Variants in RIPK1 observed in about 807,000 individuals in gnomAD.
The protein encoded by RIPK1 is receptor-interacting serine/threonine-protein kinase 1.
Under a neutral mutation model 62.4 loss-of-function variants are expected in RIPK1, and 27 were observed. The observed-to-expected ratio is 0.43, with a 90% CI of 0.32 to 0.60. The LOEUF (loss-of-function observed/expected upper bound fraction) is 0.60. Among genes scored for constraint, RIPK1 ranks in the 20% least tolerant of loss-of-function variants. The probability of loss-of-function intolerance (pLI) is 0.07; values close to 1 mark genes in which losing one functional copy is unlikely to be tolerated. For missense variants in RIPK1, 735 were observed against 831.0 expected (o/e 0.88, Z 1.42); for synonymous variants, 287 against 303.2 (o/e 0.95, Z 0.55).
intron 7 of RIPK1, among the ~76,000 whole-genome samples, chr6:3,094,529 A>G (rs1444727097): frequency 6.6e-6 from 1 of 151,412 alleles, no homozygotes; most frequent in African/African-American, 2.4e-5. Context: ...AAAATTATAA[A>G]ATGCACTTTG....
rs1417021714 is a variant in RIPK1 at position 3,081,095 on chromosome 6, T to C, written c.438T>C (p.Val146=). 8 of 1,614,160 alleles carry C rather than the reference T, an allele frequency of 5.0e-6. No homozygotes were observed. Among genetic ancestry groups the C allele is most frequent in the Non-Finnish European group, 6.8e-6 (8 of 1,180,006 alleles). ...ACCTGAAGCCTGAAAATATCCTTGT[T>C]GATAATGACTTCCACATTAAGGTAA... ...HKDLKPENIL[V]DNDFHIKIAD... Residue 146 remains valine, a synonymous_variant, in exon 4 of 11, where the codon GTT becomes GTC. Coordinates refer to ENST00000259808, the MANE Select transcript of RIPK1 (RefSeq NM_001354930.2).
At chr6:3,106,468 G>A (rs530198913) in intron 9 of RIPK1, among the ~76,000 whole-genome samples, 1 of 152,266 alleles carries the variant, frequency 6.6e-6, no homozygotes, top group South Asian at 2.1e-4. Context: ...TACCATTAGT[G>A]ATGAAAAATT....
intron 10 of RIPK1, among the ~76,000 whole-genome samples, chr6:3,112,830 C>T (rs1018744610): frequency 6.6e-6 from 1 of 152,216 alleles, no homozygotes; most frequent in East Asian, 1.9e-4. Flanking sequence ...TGAGCCACCA[C>T]GCCAGGCCGG....
intron 7 of RIPK1, among the ~76,000 whole-genome samples, chr6:3,095,031 C>G (rs1461664756): frequency 6.6e-6 from 1 of 151,888 alleles, no homozygotes; most frequent in Non-Finnish European, 1.5e-5. Flanking sequence ...GCACTCCAAC[C>G]TGGGCAACAG....
In RIPK1 at chr6:3,083,160, G is replaced by A. The variant is rs754180202; in HGVS notation, c.535G>A (p.Val179Met). The A allele has an allele frequency of 1.2e-6, 2 of 1,614,056 alleles. No homozygotes were observed. Among genetic ancestry groups the A allele is most frequent in the Admixed American group, 3.3e-5 (2 of 60,004 alleles). Residue 179 changes from valine to methionine, a missense_variant, in exon 5 of 11, where the codon GTG becomes ATG. This residue lies in a region of RIPK1 where 671 missense variants were observed against 726.2 expected (regional missense o/e 0.92). Transcript: ENST00000259808. ...NNEEHNELRE[V>M]DGTAKKNGGT... ...TGAAGAGCACAATGAGCTGAGGGAA[G>A]TGGACGGCACCGCTAAGAAGAATGG... is the stretch of plus-strand genomic sequence containing the variant.
chr6:3,104,723 C>G (rs954279002), intron 8 of RIPK1, among the ~76,000 whole-genome samples: 4 of 152,132 alleles, frequency 2.6e-5, no homozygotes, highest in African/African-American at 9.7e-5. Flanking sequence ...GATACTGAAG[C>G]CGCTTAGCTA....
chr6:3,078,632 G>A (rs1019941231), intron 3 of RIPK1, among the ~76,000 whole-genome samples: 16 of 152,214 alleles, frequency 1.1e-4, no homozygotes, highest in Non-Finnish European at 1.2e-4. Context: ...ATAAATGACC[G>A]TGAGAGCAGA....
At chr6:3,101,275 C>G (rs548220468) in intron 7 of RIPK1, among the ~76,000 whole-genome samples, 1 of 151,890 alleles carries the variant, frequency 6.6e-6, no homozygotes, top group African/African-American at 2.4e-5. Flanking sequence ...AACAAAAAAC[C>G]CTTTTCATGT....
chr6:3,085,483 TG>T (rs922225571), intron 6 of RIPK1, 75 bp downstream of exon 6: 8 of 1,506,380 alleles, frequency 5.3e-6, no homozygotes, highest in Non-Finnish European at 7.3e-6. Context: ...GTTAGGAACT[TG>T]GTTTGAATCC....
chr6:3,089,453 G>A, intron 6 of RIPK1, 128 bp from the exon 7 acceptor site: 1 of 636,158 alleles, frequency 1.6e-6, no homozygotes, highest in South Asian at 1.9e-5. Context: ...CAGTGATTTG[G>A]AGCTTAAATT....
At chr6:3,064,444 C>G (rs1453198071), upstream of RIPK1, among the ~76,000 whole-genome samples, 1 of 152,232 alleles carries the variant, frequency 6.6e-6, no homozygotes, top group Non-Finnish European at 1.5e-5. Context: ...TCACTAGTCT[C>G]CAGTTCTAAA....
At chr6:3,085,164 C>G in intron 5 of RIPK1, 95 bp from the exon 6 acceptor site, 1 of 1,363,152 alleles carries the variant, frequency 7.3e-7, no homozygotes, top group South Asian at 1.2e-5. Flanking sequence ...GGCAGCTGTA[C>G]CAGAGGCTGA....
intron 1 of RIPK1, among the ~76,000 whole-genome samples, chr6:3,073,434 G>A (rs1758865248): frequency 6.6e-6 from 1 of 152,102 alleles, no homozygotes; most frequent in Non-Finnish European, 1.5e-5. Flanking sequence ...GTGAGTCACA[G>A]AGCTAGAGTT....
intron 3 of RIPK1, among the ~76,000 whole-genome samples, chr6:3,078,945 C>T (rs1016350975): frequency 6.6e-6 from 1 of 151,538 alleles, no homozygotes; most frequent in Non-Finnish European, 1.5e-5. Flanking sequence ...CAAGGTCTCA[C>T]TGTGTTGCCC....
At chr6:3,069,615 G>C (rs977452605) in intron 1 of RIPK1, among the ~76,000 whole-genome samples, 1 of 152,180 alleles carries the variant, frequency 6.6e-6, no homozygotes, top group Non-Finnish European at 1.5e-5. Context: ...AAGAAGCCAA[G>C]GCAGGAAGTG....
chr6:3,101,674 A>G lies in RIPK1; in HGVS notation c.916-2551A>G, dbSNP rs141222980. On this transcript the variant is annotated intron_variant, in intron 7 of 10. Coordinates refer to ENST00000259808, the MANE Select transcript of RIPK1 (RefSeq NM_001354930.2). ...AAAAATACCAAAGTGTTAACATTTT[A>G]TCTTTGGGTGTAGGGCAAAACTATG... Among the ~76,000 whole-genome samples, 28 of 152,310 alleles carry G rather than the reference A, an allele frequency of 1.8e-4. No individual in the cohort carries two copies. In the East Asian group the frequency reaches 5.4e-3, roughly 29 times the overall value.
rs577458835 is a variant in RIPK1, at chr6:3,101,841, G to A, written c.916-2384G>A. Among the ~76,000 whole-genome samples the A allele has an allele frequency of 1.1e-4, 16 of 152,224 alleles. 1 individual carries two copies. In the South Asian group the frequency reaches 3.3e-3, roughly 32 times the overall value. ...ACCATTTTTAAGTGAACAATCCAGTGGCATTAAGTACATTCATAATGTTGT... is the reference window on the plus strand; with the variant it reads ...ACCATTTTTAAGTGAACAATCCAGTAGCATTAAGTACATTCATAATGTTGT... On this transcript the variant is annotated intron_variant, in intron 7 of 10. Coordinates refer to ENST00000259808, the MANE Select transcript of RIPK1 (RefSeq NM_001354930.2).
chr6:3,106,333 A>G (rs999790536), intron 9 of RIPK1, among the ~76,000 whole-genome samples: 1 of 152,074 alleles, frequency 6.6e-6, no homozygotes, highest in Non-Finnish European at 1.5e-5. Context: ...TAGTAGTCCT[A>G]TTTCACCCAA....
Position 3,076,777 on chromosome 6 carries a change from C to T in RIPK1, c.-47C>T, listed in dbSNP as rs368197023. 3.8e-5 allele frequency: 60 copies of T among 1,579,802 alleles called. No individual in the cohort carries two copies. Among genetic ancestry groups the T allele is most frequent in the African/African-American group, 2.7e-4 (19 of 71,160 alleles). ...TTTTCTTTACAGGGTACAGCTCTGCCGGGGGGGGAAAAAGTGGTACCATTT... is the reference window on the plus strand; with the variant it reads ...TTTTCTTTACAGGGTACAGCTCTGCTGGGGGGGGAAAAAGTGGTACCATTT... On this transcript the variant is annotated 5_prime_UTR_variant, in exon 2 of 11. Transcript: ENST00000259808.
Sources: allele counts gnomAD v4.1 joint callset (sites outside exome capture counted in the v4.1 genomes callset), GRCh38; gene constraint gnomAD v4.1.1; regional missense constraint gnomAD v4.1.1; transcripts MANE v1.5; gene names NCBI Gene and HGNC (gene_info 2026-07-23, HGNC 2026-07-21).